The following RSRC2 variants were observed in gnomAD, a reference collection of about 807,000 sequenced individuals.
RSRC2 encodes the protein arginine/serine-rich coiled-coil protein 2.
Under a neutral mutation model 61.3 loss-of-function variants are expected in RSRC2, and 5 were observed. The observed-to-expected ratio is 0.08, with a 90% CI of 0.04 to 0.17. The LOEUF (loss-of-function observed/expected upper bound fraction) is 0.17. RSRC2 is among the 10% of genes least tolerant of loss of function. The probability of loss-of-function intolerance (pLI) is 1.00; values close to 1 mark genes in which losing one functional copy is unlikely to be tolerated. For missense variants in RSRC2, 381 were observed against 518.8 expected (o/e 0.73, Z 2.58); for synonymous variants, 202 against 166.5 (o/e 1.21, Z -1.64).
At chr12:122,508,811 C>A (rs530961555) in intron 7 of RSRC2, among the ~76,000 whole-genome samples, 111 of 152,038 alleles carry the variant, frequency 7.3e-4, no homozygotes, top group African/African-American at 2.7e-3. Flanking sequence ...ACAAAATTAG[C>A]CGGGCGTGGT....
intron 5 of RSRC2, among the ~76,000 whole-genome samples, chr12:122,516,843 T>G (rs2097241996): frequency 6.6e-6 from 1 of 152,038 alleles, no homozygotes; most frequent in Non-Finnish European, 1.5e-5. Context: ...TAGGTGTGGG[T>G]CATCACCCCA....
intron 1 of RSRC2, among the ~76,000 whole-genome samples, chr12:122,524,027 A>T (rs934003899): frequency 2.6e-5 from 4 of 152,202 alleles, no homozygotes; most frequent in Admixed American, 2.0e-4. Context: ...ATATGTACTT[A>T]TTTCTCCAGT....
In RSRC2 at chr12:122,522,065, G is replaced by A; in HGVS notation, c.163+78C>T. 5.7e-6 allele frequency: 8 copies of A among 1,406,604 alleles called. No homozygotes were observed. The South Asian group carries it at 7.0e-5, about 12-fold the overall frequency. 87.1% of individuals were successfully genotyped at this position (1,406,604 alleles called of 1,614,324 possible). ...ACCATGCCCAGCCAACAAACTAAAT[G>A]TATGTGTCTTCTTATACAACAGGTC... On this transcript the variant is annotated intron_variant, in intron 2 of 9. Transcript: ENST00000331738.
At chr12:122,520,452 C>A in intron 3 of RSRC2, 1 of 994,854 alleles carries the variant, frequency 1.0e-6, no homozygotes, top group Non-Finnish European at 1.5e-6. Context: ...AAACCCTTAA[C>A]TGATTTAAGA....
At chr12:122,509,449 CAAAAAA>C (rs904942140) in intron 7 of RSRC2, among the ~76,000 whole-genome samples, 5 of 123,040 alleles carry the variant, frequency 4.1e-5, no homozygotes, top group Admixed American at 1.7e-4. Context: ...GCCTCCGTCT[CAAAAAA>C]AAAAACAAAA....
At chr12:122,505,821 C>A (rs1958078625) in intron 9 of RSRC2, 115 bp from the exon 10 acceptor site, 1 of 873,248 alleles carries the variant, frequency 1.1e-6, no homozygotes. Flanking sequence ...CTCTGTTGTC[C>A]CGTCTGGAGT....
intron 1 of RSRC2, among the ~76,000 whole-genome samples, chr12:122,525,344 C>A (rs758836042): frequency 6.6e-6 from 1 of 152,094 alleles, no homozygotes; most frequent in African/African-American, 2.4e-5. Flanking sequence ...CCATCGCACT[C>A]CAGCCTGGGC....
At chr12:122,513,304 A>G (rs925491301) in intron 6 of RSRC2, among the ~76,000 whole-genome samples, 5 of 151,488 alleles carry the variant, frequency 3.3e-5, no homozygotes, top group African/African-American at 7.3e-5. Context: ...TGTATTTCCT[A>G]AACAGTTTTA....
chr12:122,523,563 AAC>A (rs1959570229), intron 1 of RSRC2: 2 of 152,202 alleles, frequency 1.3e-5, no homozygotes, highest in South Asian at 4.1e-4. Context: ...CCTTTACAGA[AAC>A]AGTTTATGGA....
chr12:122,508,927 G>T (rs1958296918), intron 7 of RSRC2, among the ~76,000 whole-genome samples: 1 of 151,832 alleles, frequency 6.6e-6, no homozygotes, highest in South Asian at 2.1e-4. Context: ...CTGCACTCCA[G>T]CCTGGGCAAC....
intron 3 of RSRC2, chr12:122,520,663 A>ATTTG: frequency 1.0e-6 from 1 of 978,638 alleles, no homozygotes; most frequent in Non-Finnish European, 1.5e-6. Flanking sequence ...TAAATTAAAA[A>ATTTG]TTTAACAGAG....
chr12:122,524,971 A>C (rs1304162500), intron 1 of RSRC2, among the ~76,000 whole-genome samples: 1 of 152,152 alleles, frequency 6.6e-6, no homozygotes, highest in Non-Finnish European at 1.5e-5. Context: ...ATCTTTTTCC[A>C]CTGCGAAGGA....
chr12:122,521,330 AC>A, intron 3 of RSRC2, 54 bp downstream of exon 3: 1 of 1,364,014 alleles, frequency 7.3e-7, no homozygotes, highest in Non-Finnish European at 1.0e-6. Context: ...AAATCTTTCT[AC>A]CAGACACTTT....
chr12:122,506,789 G>C (rs768486814), intron 9 of RSRC2, 45 bp downstream of exon 9: 2 of 1,131,314 alleles, frequency 1.8e-6, no homozygotes, highest in South Asian at 2.5e-5. Context: ...AGTGCAGGAG[G>C]GCTAATAGCT....
chr12:122,516,807 C>G (rs1958966986), intron 5 of RSRC2, among the ~76,000 whole-genome samples: 1 of 152,158 alleles, frequency 6.6e-6, no homozygotes, highest in African/African-American at 2.4e-5. Context: ...ATTATCCCAC[C>G]TCAGCCTCCC....
intron 6 of RSRC2, among the ~76,000 whole-genome samples, chr12:122,513,211 A>G (rs1016127969): frequency 3.1e-4 from 29 of 93,720 alleles, no homozygotes; most frequent in Non-Finnish European, 5.2e-4. Context: ...AAATAAATAA[A>G]TAAATAAATA....
In RSRC2 at chr12:122,504,612, A is replaced by C. The variant is rs1187362857; in HGVS notation, c.*915T>G. 6.6e-6 allele frequency: 1 copy of C among 152,376 alleles called. No individual in the cohort carries two copies. The highest frequency in any genetic ancestry group is 1.5e-5 in the Non-Finnish European group (1 of 68,054). 9.4% of individuals were successfully genotyped at this position (152,376 alleles called of 1,614,324 possible). ...CCACTGCACCCAGTTTAGGCAACAG[A>C]GCAAGATCCTGTCTCAAAAAAACAA... On this transcript the variant is annotated 3_prime_UTR_variant, in exon 10 of 10. Transcript: ENST00000331738.
At chr12:122,520,513 A>T (rs761462543) in intron 3 of RSRC2, 3 of 1,364,544 alleles carry the variant, frequency 2.2e-6, no homozygotes, top group Non-Finnish European at 2.9e-6. Context: ...CCTTATCATG[A>T]AGTAGGCTTA....
rs567365008 is a variant in RSRC2, at chr12:122,509,458, A to C, written c.806-1011T>G. ...GTATGAGCCTCCGTCTCAAAAAAAA[A>C]AACAAAAACAAAAACAAAAAAAAAC... On this transcript the variant is annotated intron_variant, in intron 7 of 9. Transcript: ENST00000331738. Among the ~76,000 whole-genome samples the C allele has an allele frequency of 5.3e-5, 8 of 150,884 alleles. No homozygotes were observed. In the East Asian group the frequency reaches 1.5e-3, roughly 29 times the overall value.
Sources: gnomAD v4.1 joint callset for allele counts (sites outside exome capture counted in the v4.1 genomes callset) on GRCh38, gnomAD v4.1.1 for gene constraint, MANE v1.5 for transcripts, NCBI Gene and HGNC (gene_info 2026-07-23, HGNC 2026-07-21) for gene names.